Variants in CHERP observed in about 807,000 individuals in gnomAD.
The protein encoded by CHERP is calcium homeostasis endoplasmic reticulum protein.
CHERP carries 8 observed loss-of-function variants against 113.8 expected under a neutral mutation model. The ratio of observed to expected loss-of-function variants is 0.07; its 90% CI spans 0.04 to 0.13. CHERP has a LOEUF of 0.13. Ranked by LOEUF, CHERP falls within the 10% of genes least tolerant of loss-of-function variation. The pLI is 1.00. For missense variants in CHERP, 884 were observed against 1,298.2 expected (o/e 0.68, Z 4.90); for synonymous variants, 559 against 524.5 (o/e 1.07, Z -0.90).
Position 16,542,393 on chromosome 19 carries a change from G to T in CHERP, c.-15C>A, listed in dbSNP as rs996881541. 4 of 1,361,200 alleles carry T rather than the reference G, an allele frequency of 2.9e-6. No homozygotes were observed. Among genetic ancestry groups the T allele is most frequent in the Non-Finnish European group, 3.8e-6 (4 of 1,049,496 alleles). The allele number at this position is 1,361,200 out of a possible 1,614,324, so 84.3% of individuals were successfully genotyped here. A position where few individuals can be genotyped will look rare whatever the true frequency, so the allele number is the denominator to read the frequency against. On this transcript the variant is annotated 5_prime_UTR_variant, in exon 1 of 17. Transcript: ENST00000546361. ...GGCATCTCCATGGCTCCGGCCGCGG[G>T]GAACGTCCTCCGGCGCCACACGATC...
chr19:16,523,389 A>ACC lies in CHERP; in HGVS notation c.1742-101_1742-100dup. 1 of 1,384,730 alleles carries ACC rather than the reference A, an allele frequency of 7.2e-7. No individual in the cohort carries two copies. The highest frequency in any genetic ancestry group is 1.0e-6 in the Non-Finnish European group (1 of 1,004,194). The allele number at this position is 1,384,730 out of a possible 1,614,324, so 85.8% of individuals were successfully genotyped here. The stretch of plus-strand genomic sequence containing the variant: ...GGCTCAGTGAAGGGCCAGGAGACGA[A>ACC]CCCCTCCTGGGAGCCTGTCCAGCAT... On this transcript the variant is annotated intron_variant, in intron 10 of 16. Coordinates refer to ENST00000546361, the MANE Select transcript of CHERP (RefSeq NM_006387.6). This position sits in a 1 kb window ranked among gnomAD's most constrained non-coding sequence, Gnocchi z 4.0.
At position 16,532,464 on chromosome 19, in the gene CHERP, G is replaced by A. The variant is rs962791543; in HGVS notation, c.674+134C>T. 18 of 1,137,202 alleles carry A rather than the reference G, an allele frequency of 1.6e-5. No homozygotes were observed. Among genetic ancestry groups the A allele is most frequent in the Non-Finnish European group, 1.9e-5 (16 of 830,034 alleles). 70.4% of individuals were successfully genotyped at this position (1,137,202 alleles called of 1,614,324 possible). On this transcript the variant is annotated intron_variant, in intron 5 of 16. Coordinates refer to ENST00000546361, the MANE Select transcript of CHERP (RefSeq NM_006387.6). This position sits in a 1 kb window ranked among gnomAD's most constrained non-coding sequence, Gnocchi z 4.4. ...GGTGGCTCACAGAGACCCCCCACCC[G>A]GGGTCCCCGGACAAGTGCCCCCTAG... is the stretch of plus-strand genomic sequence containing the variant.
In CHERP at chr19:16,529,915, A is replaced by G. The variant is rs1180016052; in HGVS notation, c.877-15T>C. On this transcript the variant is annotated splice_polypyrimidine_tract_variant and intron_variant, in intron 7 of 16. Transcript: ENST00000546361. ...ATGAGGGTGGCCTGAGAGAGAGAAG[A>G]GCACCCGCTGCTCAGTATGCGGCCT... 7.5e-6 allele frequency: 12 copies of G among 1,610,168 alleles called. No individual in the cohort carries two copies. The highest frequency in any genetic ancestry group is 1.0e-5 in the Non-Finnish European group (12 of 1,178,116).
chr19:16,523,451 G>C lies in CHERP; in HGVS notation c.1742-161C>G, dbSNP rs547179827. ...GCTTAAGACCAGGCAGCAAGGCACC[G>C]AGGAGCCAGGCTCCGAGGGGCCTGT... On this transcript the variant is annotated intron_variant, in intron 10 of 16. Coordinates refer to ENST00000546361, the MANE Select transcript of CHERP (RefSeq NM_006387.6). The surrounding 1 kb of genome is among the most constrained non-coding windows in gnomAD (Gnocchi z 4.0). 6.6e-6 allele frequency among the ~76,000 whole-genome samples: 1 copy of C among 152,076 alleles called. No individual in the cohort carries two copies. Among genetic ancestry groups the C allele is most frequent in the Non-Finnish European group, 1.5e-5 (1 of 67,998 alleles).
In CHERP at chr19:16,532,942, G is replaced by C. The variant is rs1323811644; in HGVS notation, c.522+69C>G. The C allele has an allele frequency of 1.9e-6, 3 of 1,542,708 alleles. No individual in the cohort carries two copies. The highest frequency in any genetic ancestry group is 2.6e-6 in the Non-Finnish European group (3 of 1,141,302). On this transcript the variant is annotated intron_variant, in intron 4 of 16. Transcript: ENST00000546361. The surrounding 1 kb of genome is among the most constrained non-coding windows in gnomAD (Gnocchi z 4.4). ...TTGTAACAGCCCTTAGCCCAGATTGGCTACGACAGGCCCTGCCTCAGGGAG... is the reference window on the plus strand; with the variant it reads ...TTGTAACAGCCCTTAGCCCAGATTGCCTACGACAGGCCCTGCCTCAGGGAG...
In CHERP at chr19:16,530,693, A is replaced by G; in HGVS notation, c.787-19T>C. Reference sequence around the variant, plus strand: ...GCAGGAGCTGGCGGTGGGAGGAGAGAGAGGCCGGGTCAGTGGGGAGGGGAA... The same window carrying G: ...GCAGGAGCTGGCGGTGGGAGGAGAGGGAGGCCGGGTCAGTGGGGAGGGGAA... On this transcript the variant is annotated intron_variant, in intron 6 of 16. Transcript: ENST00000546361. The surrounding 1 kb of genome is among the most constrained non-coding windows in gnomAD (Gnocchi z 4.1). 2 of 1,613,880 alleles carry G rather than the reference A, an allele frequency of 1.2e-6. No homozygotes were observed. The highest frequency in any genetic ancestry group is 2.2e-5 in the East Asian group (1 of 44,860).
rs2085713603 is a variant in CHERP at position 16,532,546 on chromosome 19, T to G, written c.674+52A>C. On this transcript the variant is annotated intron_variant, in intron 5 of 16. Transcript: ENST00000546361. This position sits in a 1 kb window ranked among gnomAD's most constrained non-coding sequence, Gnocchi z 4.4. ...GGAGCAAGCGGCCACCCAGGAGGGT[T>G]GAGGAGGAGCGCGAGGAAGTGGCGC... The G allele has an allele frequency of 6.6e-7, 1 of 1,518,244 alleles. No individual in the cohort carries two copies. The highest frequency in any genetic ancestry group is 8.8e-7 in the Non-Finnish European group (1 of 1,131,466). 94.0% of individuals were successfully genotyped at this position (1,518,244 alleles called of 1,614,324 possible). A position where few individuals can be genotyped will look rare whatever the true frequency, so the allele number is the denominator to read the frequency against.
chr19:16,541,241 A>G (rs1459390607), intron 2 of CHERP: 3 of 152,172 alleles, frequency 2.0e-5, no homozygotes, highest in Non-Finnish European at 2.9e-5. Context: ...TAAACAATCT[A>G]GAGACGGGGT....
chr19:16,537,824 G>A lies in CHERP; in HGVS notation c.200-2188C>T, dbSNP rs144685421. The stretch of plus-strand genomic sequence containing the variant: ...TGGAGTGGTCCCTGGGCTACCCAGC[G>A]GTGACAGACGGTTATGGAACCAGAA... On this transcript the variant is annotated intron_variant, in intron 2 of 16. Coordinates refer to ENST00000546361, the MANE Select transcript of CHERP (RefSeq NM_006387.6). 2.4e-3 allele frequency among the ~76,000 whole-genome samples: 368 copies of A among 152,262 alleles called. 2 individuals are homozygous for A. In the Middle Eastern group the frequency reaches 0.031, roughly 13 times the overall value.
Position 16,518,260 on chromosome 19 carries a change from G to T in CHERP, c.*899C>A, listed in dbSNP as rs2085565416. 6.6e-6 allele frequency: 1 copy of T among 151,962 alleles called. No individual in the cohort carries two copies. Among genetic ancestry groups the T allele is most frequent in the Admixed American group, 6.6e-5 (1 of 15,230 alleles). 9.4% of individuals were successfully genotyped at this position (151,962 alleles called of 1,614,324 possible). A position where few individuals can be genotyped will look rare whatever the true frequency, so the allele number is the denominator to read the frequency against. ...GATGGAGTGGAAGGCGCTGGCTGGG[G>T]TCGGGCTCCATGCTCTGGATGGGAC... On this transcript the variant is annotated 3_prime_UTR_variant, in exon 17 of 17. Transcript: ENST00000546361.
intron 12 of CHERP, chr19:16,521,189 A>G: frequency 5.2e-6 from 3 of 579,262 alleles, no homozygotes. Flanking sequence ...AGGAACACTG[A>G]CTCATGGGTG....
intron 2 of CHERP, 37 bp downstream of exon 2, chr19:16,541,833 G>A: frequency 1.3e-6 from 2 of 1,591,890 alleles, no homozygotes; most frequent in Non-Finnish European, 1.7e-6. Context: ...GAAAGGAAGC[G>A]CTCGATGGGA....
At chr19:16,536,059 T>TA (rs1259715831) in intron 2 of CHERP, among the ~76,000 whole-genome samples, 2 of 152,146 alleles carry the variant, frequency 1.3e-5, no homozygotes, top group African/African-American at 4.8e-5. Context: ...CCACTTAAGC[T>TA]ACCCATTGAC....
intron 2 of CHERP, among the ~76,000 whole-genome samples, chr19:16,538,230 C>G (rs572620751): frequency 4.1e-4 from 62 of 152,318 alleles, no homozygotes; most frequent in African/African-American, 1.4e-3. Flanking sequence ...TCTGGCCACT[C>G]CAAGAACCCC....
In CHERP at chr19:16,518,867, ACTC is replaced by A; in HGVS notation, c.*289_*291del. 2.4e-6 allele frequency: 1 copy of A among 414,350 alleles called. No individual in the cohort carries two copies. Among genetic ancestry groups the A allele is most frequent in the South Asian group, 2.7e-5 (1 of 37,464 alleles). 25.7% of individuals were successfully genotyped at this position (414,350 alleles called of 1,614,324 possible). A position where few individuals can be genotyped will look rare whatever the true frequency, so the allele number is the denominator to read the frequency against. On this transcript the variant is annotated 3_prime_UTR_variant, in exon 17 of 17. Transcript: ENST00000546361. ...CCATCCCTTCGTGGCTGAAGAATTT[ACTC>A]GGGCGGAGGGTCTTGTGTTTTTTGC... is the stretch of plus-strand genomic sequence containing the variant.
chr19:16,525,812 A>AGGGCGCCACGTTGAGG lies in CHERP; in HGVS notation c.1306-136_1306-135insCCTCAACGTGGCGCCC. ...CCCTGGCCACGTTGAGGCGCCTCCTACGCTGACGCCTGCGAGGATGCTGGG... is the reference window on the plus strand; with the variant it reads ...CCCTGGCCACGTTGAGGCGCCTCCTAGGGCGCCACGTTGAGGCGCTGACGCCTGCGAGGATGCTGGG... On this transcript the variant is annotated intron_variant, in intron 9 of 16. Coordinates refer to ENST00000546361, the MANE Select transcript of CHERP (RefSeq NM_006387.6). The surrounding 1 kb of genome is among the most constrained non-coding windows in gnomAD (Gnocchi z 6.5). 1.3e-6 allele frequency: 1 copy of AGGGCGCCACGTTGAGG among 751,538 alleles called. No individual in the cohort carries two copies. Among genetic ancestry groups the AGGGCGCCACGTTGAGG allele is most frequent in the East Asian group, 3.2e-5 (1 of 31,722 alleles). The allele number at this position is 751,538 out of a possible 1,614,324, so 46.6% of individuals were successfully genotyped here.
rs2085559704 is a variant in CHERP, at chr19:16,517,911, T to C, written c.*1248A>G. 1 of 152,294 alleles carries C rather than the reference T, an allele frequency of 6.6e-6. No homozygotes were observed. Among genetic ancestry groups the C allele is most frequent in the Non-Finnish European group, 1.5e-5 (1 of 68,110 alleles). The allele number at this position is 152,294 out of a possible 1,614,324, so 9.4% of individuals were successfully genotyped here. Reference sequence around the variant, plus strand: ...GAGAAAGGTCTTTAAAAAAAGGCTTTATTTGAAGGCAAAACAATGAAATCC... The same window carrying C: ...GAGAAAGGTCTTTAAAAAAAGGCTTCATTTGAAGGCAAAACAATGAAATCC... On this transcript the variant is annotated 3_prime_UTR_variant, in exon 17 of 17. Transcript: ENST00000546361.
At position 16,541,777 on chromosome 19, in the gene CHERP, G is replaced by T. The variant is rs2085781684; in HGVS notation, c.199+93C>A. The stretch of plus-strand genomic sequence containing the variant: ...AGCTGCTCCACTTCAAAGAATAAAC[G>T]ACCCGAAAGAAAGAGGTTTGTGGCA... On this transcript the variant is annotated intron_variant, in intron 2 of 16. Coordinates refer to ENST00000546361, the MANE Select transcript of CHERP (RefSeq NM_006387.6). 3.8e-6 allele frequency: 5 copies of T among 1,330,800 alleles called. No homozygotes were observed. The African/African-American group carries it at 4.4e-5, about 12-fold the overall frequency. 82.4% of individuals were successfully genotyped at this position (1,330,800 alleles called of 1,614,324 possible). A position where few individuals can be genotyped will look rare whatever the true frequency, so the allele number is the denominator to read the frequency against.
intron 11 of CHERP, among the ~76,000 whole-genome samples, chr19:16,521,870 GAC>G (rs1425484165): frequency 2.6e-5 from 4 of 152,218 alleles, no homozygotes; most frequent in African/African-American, 4.8e-5. Context: ...TGAGGCTGAT[GAC>G]AGTCACAGGG....
Sources: gnomAD v4.1 joint callset for allele counts (sites outside exome capture counted in the v4.1 genomes callset) on GRCh38, gnomAD v4.1.1 for gene constraint, Gnocchi (gnomAD v3.1) non-coding constraint, MANE v1.5 for transcripts, NCBI Gene and HGNC (gene_info 2026-07-23, HGNC 2026-07-21) for gene names.